The following RPH3A variants were observed in gnomAD, a reference collection of about 807,000 sequenced individuals.
RPH3A encodes rabphilin-3A.
Under a neutral mutation model 102.2 loss-of-function variants are expected in RPH3A, and 48 were observed. The ratio of observed to expected loss-of-function variants is 0.47; its 90% CI spans 0.37 to 0.60. The LOEUF (loss-of-function observed/expected upper bound fraction) is 0.60. Among genes scored for constraint, RPH3A ranks in the 20% least tolerant of loss-of-function variants. RPH3A has a pLI of 0.00. For missense variants in RPH3A, 781 were observed against 910.1 expected (o/e 0.86, Z 1.83); for synonymous variants, 310 against 324.3 (o/e 0.96, Z 0.47).
At chr12:112,691,709 T>C (rs2040308478) in intron 1 of RPH3A, among the ~76,000 whole-genome samples, 1 of 152,220 alleles carries the variant, frequency 6.6e-6, no homozygotes, top group Non-Finnish European at 1.5e-5. Context: ...AACAGCTATT[T>C]TGAGAATATC....
chr12:112,876,467 C>T (rs2042799138), intron 12 of RPH3A, among the ~76,000 whole-genome samples, 175 bp from the exon 13 acceptor site: 1 of 152,146 alleles, frequency 6.6e-6, no homozygotes, highest in Non-Finnish European at 1.5e-5. Context: ...GTCTGTTTTG[C>T]TTACATCTGA....
intron 1 of RPH3A, among the ~76,000 whole-genome samples, chr12:112,617,562 A>G (rs1428379530): frequency 2.6e-5 from 4 of 152,236 alleles, no homozygotes; most frequent in Non-Finnish European, 5.9e-5. Flanking sequence ...GCTGTCCTCC[A>G]TGGCTCCCAG....
chr12:112,779,641 C>T (rs1169049600), intron 1 of RPH3A, among the ~76,000 whole-genome samples: 2 of 152,124 alleles, frequency 1.3e-5, no homozygotes, highest in Non-Finnish European at 2.9e-5. Flanking sequence ...TCCAAGGCGG[C>T]TTTGCTAGTT....
At chr12:112,873,947 T>C (rs2042749468) in intron 10 of RPH3A, 1 of 152,252 alleles carries the variant, frequency 6.6e-6, no homozygotes, top group African/African-American at 2.4e-5. Context: ...ACCCACTGGA[T>C]GCTTGTTGAA....
intron 17 of RPH3A, among the ~76,000 whole-genome samples, chr12:112,888,629 C>T (rs2043042836): frequency 6.6e-6 from 1 of 152,192 alleles, no homozygotes; most frequent in African/African-American, 2.4e-5. Flanking sequence ...CTCATAGGAT[C>T]TTTTAAGGAT....
chr12:112,673,877 T>G (rs981980192), intron 1 of RPH3A, among the ~76,000 whole-genome samples: 1 of 152,044 alleles, frequency 6.6e-6, no homozygotes, highest in South Asian at 2.1e-4. Flanking sequence ...CTGTCTATTC[T>G]CTATCTCCAT....
At chr12:112,696,872 G>T (rs1022507345) in intron 1 of RPH3A, among the ~76,000 whole-genome samples, 1 of 151,812 alleles carries the variant, frequency 6.6e-6, no homozygotes, top group Non-Finnish European at 1.5e-5. Flanking sequence ...GAAGGCTTCA[G>T]CATTTTATGT....
intron 10 of RPH3A, among the ~76,000 whole-genome samples, chr12:112,871,474 AC>A (rs1308574350): frequency 6.6e-6 from 1 of 152,156 alleles, no homozygotes; most frequent in African/African-American, 2.4e-5. Flanking sequence ...GGCTTATTCC[AC>A]CTAGCATAAT....
intron 1 of RPH3A, among the ~76,000 whole-genome samples, chr12:112,641,572 T>G (rs1271853481): frequency 6.6e-6 from 1 of 152,156 alleles, no homozygotes; most frequent in Admixed American, 6.6e-5. Context: ...AATTTTTGTA[T>G]TTTTAGTAGA....
chr12:112,606,442 C>T (rs557793407), intron 1 of RPH3A, among the ~76,000 whole-genome samples: 15 of 152,026 alleles, frequency 9.9e-5, no homozygotes, highest in Admixed American at 8.5e-4. Flanking sequence ...AGTGCAGTGG[C>T]GCCATCTCGG....
rs533736122 is a variant in RPH3A, at chr12:112,797,176, T to C, written c.-19+4913T>C. Reference sequence around the variant, plus strand: ...CAAAGATATTCAGTTCACTGATACCTGAAATTTCCATCATTCAAGTTTCAT... The same window carrying C: ...CAAAGATATTCAGTTCACTGATACCCGAAATTTCCATCATTCAAGTTTCAT... On this transcript the variant is annotated intron_variant, in intron 2 of 21. Transcript: ENST00000389385. Among the ~76,000 whole-genome samples the C allele has an allele frequency of 3.3e-5, 5 of 152,340 alleles. No homozygotes were observed. In the South Asian group the frequency reaches 1.0e-3, roughly 32 times the overall value.
chr12:112,896,439 C>T (rs1006868331), intron 21 of RPH3A, among the ~76,000 whole-genome samples: 65 of 152,130 alleles, frequency 4.3e-4, no homozygotes, highest in African/African-American at 1.5e-3. Flanking sequence ...CTCAGTGGAA[C>T]AGTAGGGAGC....
At chr12:112,654,909 G>A (rs149991312) in intron 1 of RPH3A, among the ~76,000 whole-genome samples, 41 of 152,312 alleles carry the variant, frequency 2.7e-4, no homozygotes, top group African/African-American at 8.4e-4. Flanking sequence ...AAGCAAAATC[G>A]TGAAAGGCTT....
rs150789426 is a variant in RPH3A at position 112,733,199 on chromosome 12, G to A, written c.-139-58944G>A. On this transcript the variant is annotated intron_variant, in intron 1 of 21. Transcript: ENST00000543106. Reference sequence around the variant, plus strand: ...CCTGCACAGATTTGCACACACACCCGTACACACACACCTGCACACATACCT... The same window carrying A: ...CCTGCACAGATTTGCACACACACCCATACACACACACCTGCACACATACCT... 6.0e-3 allele frequency among the ~76,000 whole-genome samples: 916 copies of A among 151,996 alleles called. 14 individuals carry two copies. Among genetic ancestry groups the A allele is most frequent in the Admixed American group, 0.029 (447 of 15,258 alleles).
intron 5 of RPH3A, among the ~76,000 whole-genome samples, chr12:112,852,425 G>A (rs754234302): frequency 6.6e-6 from 1 of 152,202 alleles, no homozygotes; most frequent in Non-Finnish European, 1.5e-5. Flanking sequence ...TGTAGAAAGA[G>A]AAATTTGATA....
chr12:112,773,821 C>A (rs1220976417), intron 1 of RPH3A, among the ~76,000 whole-genome samples: 1 of 152,026 alleles, frequency 6.6e-6, no homozygotes, highest in Non-Finnish European at 1.5e-5. Context: ...TGGCTCACAC[C>A]TGTAATCCCA....
At chr12:112,817,082 A>G (rs1257321748) in intron 2 of RPH3A, among the ~76,000 whole-genome samples, 1 of 152,116 alleles carries the variant, frequency 6.6e-6, no homozygotes, top group African/African-American at 2.4e-5. Flanking sequence ...TTGAACCCCA[A>G]ACCCATACCC....
chr12:112,633,357 G>T (rs2039821498), intron 1 of RPH3A, among the ~76,000 whole-genome samples: 1 of 152,210 alleles, frequency 6.6e-6, no homozygotes, highest in South Asian at 2.1e-4. Flanking sequence ...TTAATCCCCA[G>T]TGTGGCAGTA....
chr12:112,600,039 G>A (rs766960446), intron 1 of RPH3A, among the ~76,000 whole-genome samples: 1 of 152,060 alleles, frequency 6.6e-6, no homozygotes, highest in Non-Finnish European at 1.5e-5. Context: ...CTTTGTACCC[G>A]GTACAATTTC....
Sources: allele counts gnomAD v4.1 joint callset (sites outside exome capture counted in the v4.1 genomes callset), GRCh38; gene constraint gnomAD v4.1.1; transcripts MANE v1.5; gene names NCBI Gene and HGNC (gene_info 2026-07-23, HGNC 2026-07-21).